The following PAPPA2 variants were observed in gnomAD, a reference collection of about 807,000 sequenced individuals.
The protein encoded by PAPPA2 is pappalysin 2.
A neutral mutation model predicts 176.4 loss-of-function variants in PAPPA2; 86 were observed. That is an observed-to-expected ratio of 0.49 (90% CI 0.41 to 0.58). The LOEUF is 0.58. PAPPA2 is among the 20% of genes least tolerant of loss of function. The pLI, the probability that PAPPA2 is intolerant of heterozygous loss-of-function variation, is 0.00. For missense variants in PAPPA2, 2,073 were observed against 2,256.9 expected (o/e 0.92, Z 1.65); for synonymous variants, 809 against 852.2 (o/e 0.95, Z 0.88).
chr1:176,801,682 AAACAGACAG>A (rs1665691299), intron 21 of PAPPA2, among the ~76,000 whole-genome samples: 1 of 152,060 alleles, frequency 6.6e-6, no homozygotes, highest in African/African-American at 2.4e-5. Flanking sequence ...GGAGGGAGAT[AAACAGACAG>A]AAGACTGGGG....
At chr1:176,568,875 A>C (rs1652144066) in intron 2 of PAPPA2, among the ~76,000 whole-genome samples, 1 of 152,210 alleles carries the variant, frequency 6.6e-6, no homozygotes, top group African/African-American at 2.4e-5. Flanking sequence ...ATTGCAACCA[A>C]GAGGAGCATT....
chr1:176,724,865 A>G (rs1661792781), intron 12 of PAPPA2, among the ~76,000 whole-genome samples: 1 of 152,256 alleles, frequency 6.6e-6, no homozygotes, highest in Non-Finnish European at 1.5e-5. Context: ...TACTAGAGAT[A>G]TGATTTTTCT....
At chr1:176,670,001 C>A (rs1482782745) in intron 3 of PAPPA2, among the ~76,000 whole-genome samples, 4 of 152,238 alleles carry the variant, frequency 2.6e-5, no homozygotes, top group Non-Finnish European at 5.9e-5. Context: ...GTGATAGGAA[C>A]ATTCCTATCT....
chr1:176,754,351 T>C (rs184890302), intron 14 of PAPPA2, among the ~76,000 whole-genome samples: 5 of 152,340 alleles, frequency 3.3e-5, no homozygotes, highest in South Asian at 4.1e-4. Context: ...AATTATTTTC[T>C]TTAAGTCTCA....
intron 12 of PAPPA2, among the ~76,000 whole-genome samples, chr1:176,714,502 T>TA (rs1480308767): frequency 1.1e-4 from 16 of 152,216 alleles, no homozygotes; most frequent in African/African-American, 3.9e-4. Context: ...ATTAAACTTT[T>TA]AAAAAATAAC....
At chr1:176,610,351 G>T (rs966503225) in intron 3 of PAPPA2, among the ~76,000 whole-genome samples, 2 of 150,482 alleles carry the variant, frequency 1.3e-5, no homozygotes, top group African/African-American at 2.4e-5. Context: ...GTGTGGGGGG[G>T]GGGAGTAGGA....
At chr1:176,496,864 G>A (rs6425387) in intron 1 of PAPPA2, among the ~76,000 whole-genome samples, 3 of 152,066 alleles carry the variant, frequency 2.0e-5, no homozygotes, top group Admixed American at 1.3e-4. Flanking sequence ...ACTTGTCCAC[G>A]GTCACATTAC....
rs956164538 is a variant in PAPPA2, at chr1:176,654,534, T to C, written c.1992-16436T>C. On this transcript the variant is annotated intron_variant, in intron 3 of 22. Coordinates refer to ENST00000367662, the MANE Select transcript of PAPPA2 (RefSeq NM_020318.3). The stretch of plus-strand genomic sequence containing the variant: ...CAGGTAATGTGGTGCCTCCAGCTAT[T>C]TTTTTTTTCTTAGGACTGCTTTGGC... 9.1e-4 allele frequency among the ~76,000 whole-genome samples: 136 copies of C among 150,118 alleles called. No homozygotes were observed. In the Middle Eastern group the frequency reaches 0.01, roughly 11 times the overall value.
chr1:176,714,627 G>A (rs1661290190), intron 12 of PAPPA2, among the ~76,000 whole-genome samples: 1 of 152,140 alleles, frequency 6.6e-6, no homozygotes, highest in African/African-American at 2.4e-5. Context: ...AAAGACCTCT[G>A]CTACCTATTT....
intron 17 of PAPPA2, among the ~76,000 whole-genome samples, chr1:176,788,906 T>C (rs1227025066): frequency 1.3e-5 from 2 of 152,210 alleles, no homozygotes; most frequent in African/African-American, 4.8e-5. Flanking sequence ...TGCTGCACTT[T>C]CTCCCCTCTC....
intron 14 of PAPPA2, among the ~76,000 whole-genome samples, chr1:176,748,931 GT>G (rs1361274040): frequency 1.3e-5 from 2 of 152,272 alleles, no homozygotes; most frequent in South Asian, 4.1e-4. Flanking sequence ...TTCTCAGAAT[GT>G]ATCCCAATGT....
At chr1:176,512,204 T>C (rs1260696810) in intron 1 of PAPPA2, among the ~76,000 whole-genome samples, 2 of 139,198 alleles carry the variant, frequency 1.4e-5, no homozygotes, top group Middle Eastern at 3.7e-3. Flanking sequence ...GCTACATCTT[T>C]ACTAAGACTA....
At chr1:176,470,422 A>G (rs1289409894) in intron 1 of PAPPA2, among the ~76,000 whole-genome samples, 1 of 152,060 alleles carries the variant, frequency 6.6e-6, no homozygotes, top group Non-Finnish European at 1.5e-5. Flanking sequence ...GGTGAAGATG[A>G]CTCCACATCC....
intron 6 of PAPPA2, among the ~76,000 whole-genome samples, chr1:176,693,031 A>T (rs1660191611): frequency 6.6e-6 from 1 of 152,240 alleles, no homozygotes; most frequent in South Asian, 2.1e-4. Context: ...GGTTTGAAAG[A>T]ATAACAGATA....
chr1:176,811,070 TA>T (rs1666127743), intron 21 of PAPPA2, among the ~76,000 whole-genome samples: 1 of 152,200 alleles, frequency 6.6e-6, no homozygotes, highest in African/African-American at 2.4e-5. Flanking sequence ...TTATTCTTAA[TA>T]AATGTCAAGG....
intron 1 of PAPPA2, among the ~76,000 whole-genome samples, chr1:176,544,087 C>T (rs1650500036): frequency 6.6e-6 from 1 of 152,162 alleles, no homozygotes; most frequent in Non-Finnish European, 1.5e-5. Flanking sequence ...AGTGTGTCCC[C>T]AGTTTCCTCA....
At position 176,690,360 on chromosome 1, in the gene PAPPA2, G is replaced by A. The variant is rs1422744511; in HGVS notation, c.2361G>A (p.Glu787=). The A allele has an allele frequency of 6.2e-7, 1 of 1,614,064 alleles. No homozygotes were observed. The highest frequency in any genetic ancestry group is 2.2e-5 in the East Asian group (1 of 44,884). The change falls in exon 5 of 23, where the codon GAG becomes GAA. Residue 787 remains glutamate (E), a synonymous_variant. Transcript: ENST00000367662. ...TPKSELCREP[E]PTSDTCGFTR... Reference sequence around the variant, plus strand: ...AGAGTGAGCTGTGCCGGGAACCAGAGCCCACTAGTGACACCTGTGGCTTCA... The same window carrying A: ...AGAGTGAGCTGTGCCGGGAACCAGAACCCACTAGTGACACCTGTGGCTTCA...
At chr1:176,659,602 A>G (rs1231026176) in intron 3 of PAPPA2, among the ~76,000 whole-genome samples, 2 of 152,150 alleles carry the variant, frequency 1.3e-5, no homozygotes, top group Non-Finnish European at 2.9e-5. Context: ...TAGCTACCCC[A>G]GTAGGTGCAT....
rs773855392 is a variant in PAPPA2, at chr1:176,765,835, C to G, written c.4321C>G (p.Gln1441Glu). The G allele has an allele frequency of 3.6e-5, 58 of 1,613,232 alleles. No homozygotes were observed. Among genetic ancestry groups the G allele is most frequent in the Non-Finnish European group, 4.9e-5 (58 of 1,179,708 alleles). The part of the protein sequence containing the change: ...ASSGQYIRPM[Q>E]KEILLTCSSG... The stretch of plus-strand genomic sequence containing the variant: ...CAGTGGGCAGTACATCAGGCCCATG[C>G]AGGTGAGTTGAAAGAACACTATCAC... The change falls in exon 15 of 23, where the codon CAG becomes GAG. Residue 1441 changes from glutamine to glutamate, a missense_variant and splice_region_variant. Transcript: ENST00000367662.
Sources: gnomAD v4.1 joint callset for allele counts (sites outside exome capture counted in the v4.1 genomes callset) on GRCh38, gnomAD v4.1.1 for gene constraint, MANE v1.5 for transcripts, NCBI Gene and HGNC (gene_info 2026-07-23, HGNC 2026-07-21) for gene names.